Variants in METTL15 observed in about 807,000 individuals in gnomAD.
METTL15 encodes the protein 12S rRNA N(4)-cytidine methyltransferase METTL15.
A neutral mutation model predicts 38.3 loss-of-function variants in METTL15; 34 were observed. The ratio of observed to expected loss-of-function variants is 0.89; its 90% CI spans 0.68 to 1.18. The LOEUF is 1.18. Among genes scored for constraint, METTL15 ranks in the 50% most tolerant of loss-of-function variants. METTL15 has a pLI of 0.00. For missense variants in METTL15, 438 were observed against 498.4 expected (o/e 0.88, Z 1.15); for synonymous variants, 162 against 170.9 (o/e 0.95, Z 0.41).
intron 6 of METTL15, among the ~76,000 whole-genome samples, chr11:28,302,691 A>G (rs557098460): frequency 4.3e-4 from 65 of 152,262 alleles, no homozygotes; most frequent in African/African-American, 1.5e-3. Context: ...GTATGTCTTT[A>G]TCAGCAGCAT....
intron 5 of METTL15, among the ~76,000 whole-genome samples, chr11:28,375,001 T>C (rs1002329808): frequency 6.6e-6 from 1 of 150,966 alleles, no homozygotes; most frequent in Non-Finnish European, 1.5e-5. Flanking sequence ...CAGCCTTGCA[T>C]CCCAGGGATG....
intron 6 of METTL15, among the ~76,000 whole-genome samples, chr11:28,496,976 ATTC>A: frequency 6.6e-6 from 1 of 152,338 alleles, no homozygotes; most frequent in Non-Finnish European, 1.5e-5. Context: ...CAGGCACCGC[ATTC>A]AGGTTTGGCA....
At chr11:28,253,968 A>G (rs1854860893) in intron 4 of METTL15, among the ~76,000 whole-genome samples, 1 of 152,126 alleles carries the variant, frequency 6.6e-6, no homozygotes, top group Admixed American at 6.5e-5. Flanking sequence ...TCTTCAATAT[A>G]CTGATTTCCT....
chr11:28,283,747 C>T (rs1856147012), intron 4 of METTL15, among the ~76,000 whole-genome samples: 1 of 152,148 alleles, frequency 6.6e-6, no homozygotes, highest in Non-Finnish European at 1.5e-5. Context: ...CGTCCGTTGA[C>T]TTTTAGTGGG....
chr11:28,259,952 C>T (rs1855132884), intron 4 of METTL15, among the ~76,000 whole-genome samples: 1 of 152,166 alleles, frequency 6.6e-6, no homozygotes, highest in African/African-American at 2.4e-5. Context: ...TCCTCTTCCT[C>T]ACCAATACTT....
At chr11:28,156,866 A>G (rs538051471) in intron 3 of METTL15, among the ~76,000 whole-genome samples, 1 of 152,328 alleles carries the variant, frequency 6.6e-6, no homozygotes, top group Admixed American at 6.5e-5. Flanking sequence ...TGGCCTTGAA[A>G]CACAAATAAA....
intron 4 of METTL15, among the ~76,000 whole-genome samples, chr11:28,235,288 G>A (rs1853900316): frequency 6.6e-6 from 1 of 152,056 alleles, no homozygotes; most frequent in African/African-American, 2.4e-5. Context: ...TGGCGATGCG[G>A]GCTCTTTTTT....
intron 5 of METTL15, among the ~76,000 whole-genome samples, chr11:28,395,396 T>TG (rs1159575292): frequency 6.6e-6 from 1 of 152,100 alleles, no homozygotes; most frequent in Non-Finnish European, 1.5e-5. Flanking sequence ...CCTTGGAGAC[T>TG]GAACAGAGAT....
At chr11:28,122,351 G>A (rs961085735) in intron 3 of METTL15, among the ~76,000 whole-genome samples, 1 of 114,236 alleles carries the variant, frequency 8.8e-6, no homozygotes. Flanking sequence ...GTGTGTGTGT[G>A]TGTGTGTGTG....
intron 4 of METTL15, among the ~76,000 whole-genome samples, chr11:28,236,826 G>A (rs1854005021): frequency 6.6e-6 from 1 of 152,098 alleles, no homozygotes; most frequent in African/African-American, 2.4e-5. Flanking sequence ...GCATTTGCTT[G>A]TCTGTATAGT....
chr11:28,431,881 T>C (rs1850935177), intron 6 of METTL15, among the ~76,000 whole-genome samples: 1 of 147,020 alleles, frequency 6.8e-6, no homozygotes, highest in South Asian at 2.1e-4. Context: ...GTGAAAACTA[T>C]ACTCACACTC....
At chr11:28,503,451 G>A (rs1851600894) in intron 6 of METTL15, among the ~76,000 whole-genome samples, 1 of 152,160 alleles carries the variant, frequency 6.6e-6, no homozygotes, top group East Asian at 1.9e-4. Context: ...TAAAATTGAG[G>A]ATTGTGGAAA....
At chr11:28,488,352 A>G (rs1851454463) in intron 6 of METTL15, among the ~76,000 whole-genome samples, 1 of 152,134 alleles carries the variant, frequency 6.6e-6, no homozygotes, top group Non-Finnish European at 1.5e-5. Flanking sequence ...TTCTATTCTT[A>G]TATTTATTTA....
intron 4 of METTL15, among the ~76,000 whole-genome samples, chr11:28,218,463 G>A (rs1054768125): frequency 2.0e-5 from 3 of 152,172 alleles, no homozygotes; most frequent in African/African-American, 7.2e-5. Context: ...TTTGGGCTGA[G>A]ACGATGGGGT....
At chr11:28,468,564 A>G (rs1040229403) in intron 6 of METTL15, among the ~76,000 whole-genome samples, 2 of 152,204 alleles carry the variant, frequency 1.3e-5, no homozygotes, top group Non-Finnish European at 2.9e-5. Context: ...TTCTATTTCT[A>G]TGCAAAATAG....
chr11:28,166,452 G>A (rs2133753244), intron 3 of METTL15, among the ~76,000 whole-genome samples: 2 of 152,282 alleles, frequency 1.3e-5, no homozygotes, highest in Middle Eastern at 3.4e-3. Flanking sequence ...GTGAGGTACA[G>A]AATACAAATT....
At chr11:28,293,375 G>A (rs979196169) in intron 5 of METTL15, among the ~76,000 whole-genome samples, 26 of 152,206 alleles carry the variant, frequency 1.7e-4, no homozygotes, top group South Asian at 6.2e-4. Context: ...TAGATATGCG[G>A]CGTTATTTCT....
At chr11:28,212,557 A>G (rs922614524) in intron 4 of METTL15, among the ~76,000 whole-genome samples, 30 of 152,190 alleles carry the variant, frequency 2.0e-4, no homozygotes, top group Non-Finnish European at 3.5e-4. Flanking sequence ...ATTCCCTTAC[A>G]TAAAATGGTT....
intron 6 of METTL15, among the ~76,000 whole-genome samples, chr11:28,316,667 A>G (rs1323424293): frequency 6.6e-6 from 1 of 152,204 alleles, no homozygotes; most frequent in Non-Finnish European, 1.5e-5. Flanking sequence ...CTCATTTAAT[A>G]ACTCACATAA....
Sources: gnomAD v4.1 joint callset for allele counts (sites outside exome capture counted in the v4.1 genomes callset) on GRCh38, gnomAD v4.1.1 for gene constraint, MANE v1.5 for transcripts, NCBI Gene and HGNC (gene_info 2026-07-23, HGNC 2026-07-21) for gene names.